Variants in NT5DC1 observed in about 807,000 individuals in gnomAD.
The protein encoded by NT5DC1 is 5'-nucleotidase domain containing 1, also known as 5'-nucleotidase domain-containing protein 1.
NT5DC1 carries 42 observed loss-of-function variants against 59.4 expected under a neutral mutation model. The observed-to-expected ratio is 0.71, with a 90% CI of 0.55 to 0.92. NT5DC1 has a LOEUF of 0.92. Ranked by LOEUF, NT5DC1 falls within the 40% of genes least tolerant of loss-of-function variation. The pLI is 0.00. For synonymous variants in NT5DC1, 172 were observed against 188.1 expected, an observed-to-expected ratio of 0.91 and a Z score of 0.70; for missense variants, 501 against 537.1, an observed-to-expected ratio of 0.93 and a Z score of 0.66.
intron 11 of NT5DC1, among the ~76,000 whole-genome samples, chr6:116,241,003 G>C (rs902340488): frequency 1.9e-4 from 29 of 152,142 alleles, no homozygotes; most frequent in African/African-American, 6.7e-4. Context: ...AATTAGCCGG[G>C]TGTGGTAGCA....
chr6:116,163,246 GTTGT>G (rs1048710072), intron 6 of NT5DC1, among the ~76,000 whole-genome samples: 4 of 145,854 alleles, frequency 2.7e-5, no homozygotes, highest in African/African-American at 1.0e-4. Context: ...TTTTTTTGTT[GTTGT>G]TTGTTTGTTT....
intron 11 of NT5DC1, among the ~76,000 whole-genome samples, chr6:116,240,237 A>C (rs977827518): frequency 1.3e-5 from 2 of 152,222 alleles, no homozygotes; most frequent in Non-Finnish European, 2.9e-5. Flanking sequence ...TTCCTTCTGT[A>C]TTCTTGGGTT....
chr6:116,243,961 A>G lies in NT5DC1; in HGVS notation c.1305A>G (p.Thr435=). The change falls in exon 12 of 12, where the codon ACA becomes ACG. Residue 435 remains threonine (T), a synonymous_variant. Coordinates refer to ENST00000319550, the MANE Select transcript of NT5DC1 (RefSeq NM_152729.3). ...FTRFSSSNSK[T]AGYYPNPPLV... ...GATTCTCTTCAAGCAATTCAAAAAC[A>G]GCTGGCTACTATCCAAATCCTCCAC... 3 of 1,586,016 alleles carry G rather than the reference A, an allele frequency of 1.9e-6. No individual in the cohort carries two copies. Among genetic ancestry groups the G allele is most frequent in the Non-Finnish European group, 1.7e-6 (2 of 1,158,006 alleles).
chr6:116,127,167 T>C (rs1779338404), intron 6 of NT5DC1, among the ~76,000 whole-genome samples: 1 of 152,162 alleles, frequency 6.6e-6, no homozygotes. Context: ...CTCCACAGAA[T>C]TAAAGTAGTA....
rs764071827 is a variant in NT5DC1, at chr6:116,120,862, A to G, written c.529+2917A>G. The G allele has an allele frequency of 1.2e-6, 2 of 1,613,946 alleles. No individual in the cohort carries two copies. The highest frequency in any genetic ancestry group is 3.3e-5 in the Admixed American group (2 of 60,018). ...CTGGGCCCACAGGGCCTGGGAGACC[A>G]GGAGGTCCTCCAACTCCAGGATCAC... is the stretch of plus-strand genomic sequence containing the variant. On this transcript the variant is annotated intron_variant, in intron 6 of 11. Transcript: ENST00000319550.
chr6:116,199,550 C>T (rs902056620), intron 6 of NT5DC1, among the ~76,000 whole-genome samples: 4 of 152,074 alleles, frequency 2.6e-5, no homozygotes, highest in East Asian at 1.9e-4. Flanking sequence ...TAGTTTCTAA[C>T]GCCATTCTCC....
At chr6:116,120,404 A>G (rs776596664) in intron 6 of NT5DC1, 2 of 1,614,232 alleles carry the variant, frequency 1.2e-6, no homozygotes, top group Non-Finnish European at 1.7e-6. Context: ...AATTTTATCA[A>G]ATGGTATGGG....
chr6:116,190,720 A>C (rs1781098511), intron 6 of NT5DC1, among the ~76,000 whole-genome samples: 1 of 152,066 alleles, frequency 6.6e-6, no homozygotes, highest in Admixed American at 6.6e-5. Flanking sequence ...TGGTCTCTGG[A>C]TTCTTGACAA....
At chr6:116,136,241 A>G (rs776899052) in intron 6 of NT5DC1, among the ~76,000 whole-genome samples, 10 of 152,062 alleles carry the variant, frequency 6.6e-5, no homozygotes, top group Non-Finnish European at 1.3e-4. Flanking sequence ...TTCTAGGTTC[A>G]TCCATGTTGT....
chr6:116,159,401 A>T (rs973939757), intron 6 of NT5DC1, among the ~76,000 whole-genome samples: 1 of 152,164 alleles, frequency 6.6e-6, no homozygotes, highest in Non-Finnish European at 1.5e-5. Flanking sequence ...TACACATGTG[A>T]TTATTCATTT....
chr6:116,185,969 A>T (rs1165538176), intron 6 of NT5DC1, among the ~76,000 whole-genome samples: 1 of 151,882 alleles, frequency 6.6e-6, no homozygotes, highest in African/African-American at 2.4e-5. Flanking sequence ...AGATCCTGTG[A>T]GATTTATGCT....
Position 116,244,696 on chromosome 6 carries a change from C to G in NT5DC1, c.*672C>G, listed in dbSNP as rs1303540617. 1 of 152,072 alleles carries G rather than the reference C, an allele frequency of 6.6e-6. No homozygotes were observed. 9.4% of individuals were successfully genotyped at this position (152,072 alleles called of 1,614,324 possible). On this transcript the variant is annotated 3_prime_UTR_variant, in exon 12 of 12. Transcript: ENST00000319550. ...AGTGAGATTAAGTGATTTTTGCAGGCTATGAGGTTTTATGCTATTCCTGTG... is the reference window on the plus strand; with the variant it reads ...AGTGAGATTAAGTGATTTTTGCAGGGTATGAGGTTTTATGCTATTCCTGTG...
chr6:116,167,210 T>TC (rs1228388109), intron 6 of NT5DC1, among the ~76,000 whole-genome samples: 1 of 143,552 alleles, frequency 7.0e-6, no homozygotes, highest in African/African-American at 2.6e-5. Context: ...TAGAAGATTT[T>TC]TTTTTTTTTT....
chr6:116,226,555 A>G (rs887954586), intron 8 of NT5DC1, among the ~76,000 whole-genome samples: 2 of 152,074 alleles, frequency 1.3e-5, no homozygotes, highest in African/African-American at 4.8e-5. Context: ...AGAAGTACCT[A>G]TCTTAAGACT....
chr6:116,237,914 T>C (rs991889675), intron 9 of NT5DC1, among the ~76,000 whole-genome samples: 11 of 152,224 alleles, frequency 7.2e-5, no homozygotes, highest in African/African-American at 2.7e-4. Flanking sequence ...TTCACTTCTT[T>C]AGGAAAATTG....
chr6:116,120,818 G>A, intron 6 of NT5DC1: 1 of 1,613,904 alleles, frequency 6.2e-7, no homozygotes, highest in East Asian at 2.2e-5. Flanking sequence ...ATTGTGTCCG[G>A]GCATTCCCTT....
At chr6:116,212,530 G>C (rs1467298054) in intron 6 of NT5DC1, among the ~76,000 whole-genome samples, 2 of 152,070 alleles carry the variant, frequency 1.3e-5, no homozygotes, top group Non-Finnish European at 2.9e-5. Context: ...TTATTAGTAA[G>C]AAAAGATATT....
At chr6:116,150,290 A>T (rs1195963208) in intron 6 of NT5DC1, among the ~76,000 whole-genome samples, 1 of 151,600 alleles carries the variant, frequency 6.6e-6, no homozygotes, top group Non-Finnish European at 1.5e-5. Flanking sequence ...TTAACTTTTT[A>T]ATTATTATTT....
chr6:116,225,578 C>T (rs1242930485), intron 8 of NT5DC1, among the ~76,000 whole-genome samples: 1 of 152,164 alleles, frequency 6.6e-6, no homozygotes, highest in Non-Finnish European at 1.5e-5. Context: ...AAGGAGAAAT[C>T]TTCCCTGGGG....
Sources: gnomAD v4.1 joint callset for allele counts (sites outside exome capture counted in the v4.1 genomes callset) on GRCh38, gnomAD v4.1.1 for gene constraint, MANE v1.5 for transcripts, NCBI Gene and HGNC (gene_info 2026-07-23, HGNC 2026-07-21) for gene names.